SETD7: variants seen among roughly 807,000 people sequenced by gnomAD.
SETD7 encodes histone-lysine N-methyltransferase SETD7.
Under a neutral mutation model 41.8 loss-of-function variants are expected in SETD7, and 16 were observed. The ratio of observed to expected loss-of-function variants is 0.38; its 90% CI spans 0.26 to 0.58. SETD7 has a LOEUF of 0.58. SETD7 is among the 20% of genes least tolerant of loss of function. The pLI is 0.64. For missense variants in SETD7, 346 were observed against 459.7 expected (o/e 0.75, Z 2.26); for synonymous variants, 163 against 169.7 (o/e 0.96, Z 0.31).
intron 7 of SETD7, 35 bp downstream of exon 7, chr4:139,517,850 A>G (rs1727070354): frequency 4.4e-6 from 7 of 1,592,384 alleles, no homozygotes; most frequent in Middle Eastern, 1.8e-4. Context: ...GCCCTGAGGC[A>G]TAGATCCGCC....
At chr4:139,505,695 G>A (rs948880829), downstream of SETD7, among the ~76,000 whole-genome samples, 8 of 152,114 alleles carry the variant, frequency 5.3e-5, no homozygotes, top group South Asian at 6.2e-4. Flanking sequence ...CTACCACAAC[G>A]TCTAACAAAA....
chr4:139,531,496 G>A lies in SETD7; in HGVS notation c.372+1669C>T, dbSNP rs997867576. ...CTGGCTACTCACGAGGCCAGGTTTCGGTCCTCCTACCCTGGGCAGCACCTC... is the reference window on the plus strand; with the variant it reads ...CTGGCTACTCACGAGGCCAGGTTTCAGTCCTCCTACCCTGGGCAGCACCTC... On this transcript the variant is annotated intron_variant, in intron 3 of 7. Transcript: ENST00000274031. Among the ~76,000 whole-genome samples the A allele has an allele frequency of 7.9e-5, 12 of 152,216 alleles. No homozygotes were observed. The East Asian group carries it at 1.7e-3, about 22-fold the overall frequency.
At chr4:139,528,410 A>C (rs1401629030) in intron 4 of SETD7, among the ~76,000 whole-genome samples, 2 of 152,204 alleles carry the variant, frequency 1.3e-5, no homozygotes, top group Admixed American at 1.3e-4. Context: ...ATCATAGTAC[A>C]GTTTTTTGGA....
At chr4:139,545,498 T>C (rs1048668177) in intron 2 of SETD7, among the ~76,000 whole-genome samples, 3 of 152,128 alleles carry the variant, frequency 2.0e-5, no homozygotes, top group African/African-American at 7.2e-5. Context: ...GTAAAATATC[T>C]GACAATTTAA....
At chr4:139,531,580 T>C (rs1727483211) in intron 3 of SETD7, among the ~76,000 whole-genome samples, 1 of 152,242 alleles carries the variant, frequency 6.6e-6, no homozygotes. Context: ...CAACTTTTGA[T>C]CTATCACGGA....
downstream of SETD7, among the ~76,000 whole-genome samples, chr4:139,493,152 G>A (rs1339661432): frequency 2.6e-5 from 4 of 152,212 alleles, no homozygotes; most frequent in African/African-American, 9.7e-5. Context: ...CAAAATAACT[G>A]TGGATTAGGG....
At position 139,511,809 on chromosome 4, in the gene SETD7, T is replaced by C. The variant is rs2111121799; in HGVS notation, c.955A>G (p.Ile319Val). 2 of 1,613,850 alleles carry C rather than the reference T, an allele frequency of 1.2e-6. No individual in the cohort carries two copies. The highest frequency in any genetic ancestry group is 1.7e-6 in the Non-Finnish European group (2 of 1,179,898). Residue 319 changes from isoleucine to valine, a missense_variant, in exon 8 of 8, where the codon ATC (isoleucine) becomes GTC (valine). By Grantham distance (29) the Ile-to-Val change is conservative (BLOSUM62 3). Around this residue, in one of 3 missense-constraint regions of SETD7, gnomAD observed 75 missense variants for 65.5 expected, o/e 1.14. Coordinates refer to ENST00000274031, the MANE Select transcript of SETD7 (RefSeq NM_030648.4). ...GCCTCCACTGCTCTCAGGGTGCGGA[T>C]GCATTTGATGGGCCCAAAACGGGGG... ...VHPRFGPIKC[I>V]RTLRAVEADE...
intron 4 of SETD7, among the ~76,000 whole-genome samples, chr4:139,528,039 C>G (rs1727379034): frequency 6.6e-6 from 1 of 151,924 alleles, no homozygotes; most frequent in South Asian, 2.1e-4. Context: ...TTTTTTTCTC[C>G]CTATAACCAA....
In SETD7 at chr4:139,510,053, G is replaced by C. The variant is rs1220574428; in HGVS notation, c.*1610C>G. 1.1e-5 allele frequency: 2 copies of C among 176,668 alleles called. No individual in the cohort carries two copies. Among genetic ancestry groups the C allele is most frequent in the African/African-American group, 2.4e-5 (1 of 41,960 alleles). The allele number at this position is 176,668 out of a possible 1,614,324, so 10.9% of individuals were successfully genotyped here. A position where few individuals can be genotyped will look rare whatever the true frequency, so the allele number is the denominator to read the frequency against. On this transcript the variant is annotated 3_prime_UTR_variant, in exon 8 of 8. Coordinates refer to ENST00000274031, the MANE Select transcript of SETD7 (RefSeq NM_030648.4). ...GAGCAGCCTGGGATTAAGCACTTTT[G>C]TTGTAGTCTTCATAAAGCAATGTGC...
downstream of SETD7, among the ~76,000 whole-genome samples, chr4:139,503,642 G>T (rs1726632968): frequency 6.6e-6 from 1 of 150,508 alleles, no homozygotes; most frequent in East Asian, 2.0e-4. Flanking sequence ...TCTCTAAACT[G>T]ATTTGAATTA....
At chr4:139,519,370 T>C (rs1727116963) in intron 6 of SETD7, among the ~76,000 whole-genome samples, 1 of 152,258 alleles carries the variant, frequency 6.6e-6, no homozygotes, top group South Asian at 2.1e-4. Flanking sequence ...GTAATCTCTC[T>C]AGGCTTCCGT....
intron 5 of SETD7, 48 bp from the exon 6 acceptor site, chr4:139,520,442 C>A: frequency 9.2e-7 from 1 of 1,082,278 alleles, no homozygotes. Context: ...CTTAATATGT[C>A]ATTCCTTACA....
intron 7 of SETD7, among the ~76,000 whole-genome samples, chr4:139,499,267 G>A (rs1183904320): frequency 6.6e-6 from 1 of 152,182 alleles, no homozygotes; most frequent in Non-Finnish European, 1.5e-5. Context: ...TCCCTTCCTT[G>A]TTCAAAAATG....
At chr4:139,505,939 GTAA>G (rs1455103981), downstream of SETD7, 1 of 152,638 alleles carries the variant, frequency 6.6e-6, no homozygotes, top group African/African-American at 2.4e-5. Context: ...AACTTAAAAT[GTAA>G]AGTTCACTTA....
intron 2 of SETD7, chr4:139,546,661 T>C: frequency 2.1e-6 from 1 of 472,630 alleles, no homozygotes. Flanking sequence ...TTATGCAAGA[T>C]GGGGGCCCCC....
chr4:139,546,923 C>A lies in SETD7; in HGVS notation c.167G>T (p.Gly56Val). 2 of 1,614,180 alleles carry A rather than the reference C, an allele frequency of 1.2e-6. No homozygotes were observed. Among genetic ancestry groups the A allele is most frequent in the Non-Finnish European group, 1.7e-6 (2 of 1,180,014 alleles). Residue 56 changes from glycine (G) to valine (V), a missense_variant, in exon 2 of 8, where the codon GGC (glycine) becomes GTC (valine). This residue lies in a region of SETD7 where 266 missense variants were observed against 377.0 expected (regional missense o/e 0.71). Transcript: ENST00000274031. ...AAAATAAAACTGTGAGTGCTACCTG[C>A]CATCAAAGAAGAAGAACTTCCCCCG... ...NGRGKFFFFDGSTLEGYYVDD... is the reference protein window; with the variant it reads ...NGRGKFFFFDVSTLEGYYVDD...
rs764313045 is a variant in SETD7, at chr4:139,509,815, T to C, written c.*1848A>G. On this transcript the variant is annotated 3_prime_UTR_variant, in exon 8 of 8. Transcript: ENST00000274031. ...TAAATCTAAAAACTATTCAGTTCCT[T>C]TGGTGGGCAATCTTCCTGGAAGCAC... The C allele has an allele frequency of 6.3e-5, 62 of 985,414 alleles. No homozygotes were observed. Among genetic ancestry groups the C allele is most frequent in the Non-Finnish European group, 7.3e-5 (61 of 830,018 alleles). 61.0% of individuals were successfully genotyped at this position (985,414 alleles called of 1,614,324 possible). A position where few individuals can be genotyped will look rare whatever the true frequency, so the allele number is the denominator to read the frequency against.
intron 1 of SETD7, among the ~76,000 whole-genome samples, chr4:139,547,361 T>C (rs779733360): frequency 2.6e-5 from 4 of 152,222 alleles, no homozygotes; most frequent in Non-Finnish European, 5.9e-5. Context: ...ATCAGTAATA[T>C]TATCTGCAGG....
In SETD7 at chr4:139,555,966, G is replaced by T; in HGVS notation, c.40+132C>A. The T allele has an allele frequency of 1.2e-6, 1 of 806,376 alleles. No homozygotes were observed. Among genetic ancestry groups the T allele is most frequent in the Non-Finnish European group, 1.7e-6 (1 of 590,326 alleles). The allele number at this position is 806,376 out of a possible 1,614,324, so 50.0% of individuals were successfully genotyped here. A position where few individuals can be genotyped will look rare whatever the true frequency, so the allele number is the denominator to read the frequency against. ...TGGCTGTCGGGCCCCCGCCCGAGCC[G>T]GGCAACCGGCCACCCGTGTAGGGGA... On this transcript the variant is annotated intron_variant, in intron 1 of 7. Coordinates refer to ENST00000274031, the MANE Select transcript of SETD7 (RefSeq NM_030648.4). This position sits in a 1 kb window ranked among gnomAD's most constrained non-coding sequence, Gnocchi z 4.0.
Sources: gnomAD v4.1 joint callset for allele counts (sites outside exome capture counted in the v4.1 genomes callset) on GRCh38, gnomAD v4.1.1 for gene constraint, gnomAD v4.1.1 regional missense constraint, Gnocchi (gnomAD v3.1) non-coding constraint, MANE v1.5 for transcripts, NCBI Gene and HGNC (gene_info 2026-07-23, HGNC 2026-07-21) for gene names.